Variants in LINGO2 observed in about 807,000 individuals in gnomAD.
LINGO2 encodes leucine rich repeat and Ig domain containing 2, also known as leucine-rich repeat and immunoglobulin-like domain-containing nogo receptor-interacting protein 2.
In LINGO2, 14 loss-of-function variants were observed where a neutral mutation model predicts 30.6. That is an observed-to-expected ratio of 0.46 (90% CI 0.30 to 0.72). The LOEUF (loss-of-function observed/expected upper bound fraction) is 0.72, where lower values mean the gene tolerates loss of function less well. LINGO2 is among the 30% of genes least tolerant of loss of function. The pLI, the probability that LINGO2 is intolerant of heterozygous loss-of-function variation, is 0.07. For synonymous variants in LINGO2, 317 were observed against 288.5 expected (o/e 1.10, Z -1.00); for missense variants, 729 against 751.7 (o/e 0.97, Z 0.35).
the LINGO2 span, among the ~76,000 whole-genome samples, chr9:29,199,125 T>C: frequency 1.3e-5 from 2 of 152,222 alleles, no homozygotes; most frequent in East Asian, 1.9e-4. Context: ...GATGTCATGA[T>C]GAAACAATAG....
chr9:28,215,454 G>A (rs965676809), intron 4 of LINGO2, among the ~76,000 whole-genome samples: 3 of 151,766 alleles, frequency 2.0e-5, no homozygotes, highest in Admixed American at 2.0e-4. Flanking sequence ...TGAAATCTAT[G>A]CTCATTTGCA....
At chr9:28,029,398 G>A (rs545495328) in intron 4 of LINGO2, among the ~76,000 whole-genome samples, 3 of 152,092 alleles carry the variant, frequency 2.0e-5, no homozygotes, top group African/African-American at 7.2e-5. Flanking sequence ...AAAACAGGCA[G>A]GGTACTTCTC....
chr9:28,182,685 T>C (rs1819396946), intron 4 of LINGO2, among the ~76,000 whole-genome samples: 1 of 152,092 alleles, frequency 6.6e-6, no homozygotes, highest in Admixed American at 6.6e-5. Context: ...GACATTTACA[T>C]GGCCAACAAA....
chr9:28,978,841 G>A, the LINGO2 span, among the ~76,000 whole-genome samples: 2 of 151,204 alleles, frequency 1.3e-5, no homozygotes, highest in Admixed American at 6.6e-5. Flanking sequence ...ATATTCTGAA[G>A]AGTGTTGAAT....
chr9:28,654,478 GGATT>G (rs1016157372), intron 1 of LINGO2, among the ~76,000 whole-genome samples: 1 of 129,316 alleles, frequency 7.7e-6, no homozygotes, highest in African/African-American at 3.4e-5. Flanking sequence ...AACATGAATT[GGATT>G]GATTGAGTAT....
chr9:28,352,475 C>G (rs1819943303), intron 3 of LINGO2, among the ~76,000 whole-genome samples: 1 of 71,278 alleles, frequency 1.4e-5, no homozygotes, highest in East Asian at 4.4e-4. Flanking sequence ...AGGAGAACTA[C>G]AAACCACTGC....
In LINGO2 at chr9:28,129,920, G is replaced by T. The variant is rs768373016; in HGVS notation, c.-86-117515C>A. On this transcript the variant is annotated intron_variant, in intron 4 of 5. Transcript: ENST00000379992. The surrounding 1 kb of genome is among the most constrained non-coding windows in gnomAD (Gnocchi z 4.0). ...ATAGAATGAGAAATAACTAAGATCCGTGTTTTGAGCCAGAACATGTGAATC... is the reference window on the plus strand; with the variant it reads ...ATAGAATGAGAAATAACTAAGATCCTTGTTTTGAGCCAGAACATGTGAATC... 5.3e-5 allele frequency among the ~76,000 whole-genome samples: 8 copies of T among 152,160 alleles called. No homozygotes were observed. The highest frequency in any genetic ancestry group is 1.3e-4 in the Admixed American group (2 of 15,270).
chr9:28,702,279 A>T, the LINGO2 span, among the ~76,000 whole-genome samples: 1 of 151,682 alleles, frequency 6.6e-6, no homozygotes, highest in Non-Finnish European at 1.5e-5. Flanking sequence ...GATGTTCTTT[A>T]CCAAGTAGAA....
chr9:28,138,902 T>A (rs1827596706), intron 4 of LINGO2, among the ~76,000 whole-genome samples: 1 of 152,182 alleles, frequency 6.6e-6, no homozygotes, highest in South Asian at 2.1e-4. Flanking sequence ...ATCAACCCAG[T>A]TCCAATATGT....
the LINGO2 span, among the ~76,000 whole-genome samples, chr9:28,730,912 A>C: frequency 2.6e-5 from 4 of 152,152 alleles, no homozygotes; most frequent in Non-Finnish European, 4.4e-5. Context: ...AAATGGTACA[A>C]CAGCTCTGGA....
At position 28,148,232 on chromosome 9, in the gene LINGO2, CG is replaced by C. The variant is rs1827874096; in HGVS notation, c.-86-135828del. On this transcript the variant is annotated intron_variant, in intron 4 of 5. Transcript: ENST00000379992. This position sits in a 1 kb window ranked among gnomAD's most constrained non-coding sequence, Gnocchi z 5.1. ...CCCTATGAGGCTGTGTCTTATCCCTCGGAACATGGGCACCCCACAGAGGGTC... is the reference window on the plus strand; with the variant it reads ...CCCTATGAGGCTGTGTCTTATCCCTCGAACATGGGCACCCCACAGAGGGTC... The C allele has an allele frequency of 1.4e-6, 1 of 725,222 alleles. No homozygotes were observed. The highest frequency in any genetic ancestry group is 1.8e-5 in the African/African-American group (1 of 56,052). The allele number at this position is 725,222 out of a possible 1,614,324, so 44.9% of individuals were successfully genotyped here. A position where few individuals can be genotyped will look rare whatever the true frequency, so the allele number is the denominator to read the frequency against.
At chr9:28,712,878 TA>T in the LINGO2 span, among the ~76,000 whole-genome samples, 10 of 152,252 alleles carry the variant, frequency 6.6e-5, no homozygotes, top group South Asian at 6.2e-4. Context: ...TTTATTCATT[TA>T]TTTTTTTATG....
intron 3 of LINGO2, among the ~76,000 whole-genome samples, chr9:28,324,581 T>A (rs770063438): frequency 6.6e-6 from 1 of 152,160 alleles, no homozygotes; most frequent in Non-Finnish European, 1.5e-5. Flanking sequence ...TAACCTCTGG[T>A]CATCCTCACT....
At chr9:28,006,508 A>T (rs1247483528) in intron 5 of LINGO2, among the ~76,000 whole-genome samples, 1 of 152,182 alleles carries the variant, frequency 6.6e-6, no homozygotes, top group Non-Finnish European at 1.5e-5. Flanking sequence ...GACAAGAACT[A>T]TAAAAAATAG....
chr9:29,064,115 T>C, the LINGO2 span, among the ~76,000 whole-genome samples: 1 of 152,140 alleles, frequency 6.6e-6, no homozygotes, highest in Non-Finnish European at 1.5e-5. Context: ...ATATCAATAA[T>C]CATGACATGA....
At chr9:28,415,702 A>G (rs188458241) in intron 2 of LINGO2, among the ~76,000 whole-genome samples, 1 of 152,278 alleles carries the variant, frequency 6.6e-6, no homozygotes. Flanking sequence ...CACTTTCTAT[A>G]ACAGCACCTT....
In LINGO2 at chr9:28,545,751, C is replaced by T. The variant is rs2037457; in HGVS notation, c.-364-69726G>A. Among the ~76,000 whole-genome samples the T allele has an allele frequency of 3.5e-3, 526 of 152,114 alleles. 3 individuals carry two copies. Among genetic ancestry groups the T allele is most frequent in the South Asian group, 0.02 (94 of 4,818 alleles). On this transcript the variant is annotated intron_variant, in intron 1 of 5. Coordinates refer to ENST00000379992, the Ensembl canonical transcript of LINGO2. ...GACCCACTTAGAAATATGCCAAATA[C>T]TTCCCTATTGTATTCTAGGTATACT...
At chr9:28,498,522 T>C (rs975501058) in intron 1 of LINGO2, among the ~76,000 whole-genome samples, 1 of 152,132 alleles carries the variant, frequency 6.6e-6, no homozygotes, top group African/African-American at 2.4e-5. Flanking sequence ...AGTAGAAGGG[T>C]GGGAGTTACC....
intron 4 of LINGO2, among the ~76,000 whole-genome samples, chr9:28,075,532 G>T (rs921206678): frequency 3.3e-5 from 5 of 151,856 alleles, no homozygotes; most frequent in African/African-American, 1.2e-4. Context: ...AGATATGTAT[G>T]CATGTTCTCG....
Sources: allele counts gnomAD v4.1 joint callset (sites outside exome capture counted in the v4.1 genomes callset), GRCh38; gene constraint gnomAD v4.1.1; non-coding constraint Gnocchi (gnomAD v3.1); transcripts MANE v1.5; gene names NCBI Gene and HGNC (gene_info 2026-07-23, HGNC 2026-07-21).